WSCD2: variants seen among roughly 807,000 people sequenced by gnomAD.
The protein encoded by WSCD2 is sialate:O-sulfotransferase 2.
In WSCD2, 28 loss-of-function variants were observed where a neutral mutation model predicts 55.7. The observed-to-expected ratio is 0.50, with a 90% CI of 0.37 to 0.69. The LOEUF (loss-of-function observed/expected upper bound fraction) is 0.69, where lower values mean the gene tolerates loss of function less well. Among genes scored for constraint, WSCD2 ranks in the 30% least tolerant of loss-of-function variants. The pLI, the probability that WSCD2 is intolerant of heterozygous loss-of-function variation, is 0.00. For synonymous variants in WSCD2, 301 were observed against 301.9 expected (o/e 1.00, Z 0.03); for missense variants, 616 against 762.1 (o/e 0.81, Z 2.26).
intron 6 of WSCD2, among the ~76,000 whole-genome samples, chr12:108,227,748 A>G (rs1212408915): frequency 6.6e-6 from 1 of 151,530 alleles, no homozygotes; most frequent in African/African-American, 2.4e-5. Flanking sequence ...GATGATGATG[A>G]TGATGGTGAT....
At chr12:108,131,467 C>T (rs1329072720) in intron 1 of WSCD2, among the ~76,000 whole-genome samples, 1 of 152,220 alleles carries the variant, frequency 6.6e-6, no homozygotes, top group Non-Finnish European at 1.5e-5. Context: ...CACGCTTCGG[C>T]TCCTCCACTG....
chr12:108,212,376 G>A (rs2137111815), intron 4 of WSCD2, among the ~76,000 whole-genome samples: 1 of 152,262 alleles, frequency 6.6e-6, no homozygotes, highest in South Asian at 2.1e-4. Flanking sequence ...ATGAAGCTGA[G>A]ACAGATAACA....
chr12:108,155,552 C>T (rs767154552), intron 1 of WSCD2, among the ~76,000 whole-genome samples: 4 of 152,038 alleles, frequency 2.6e-5, no homozygotes, highest in Admixed American at 1.3e-4. Context: ...ACTGGAAGAC[C>T]CCAGGAGACT....
intron 1 of WSCD2, among the ~76,000 whole-genome samples, chr12:108,163,426 C>G (rs142404336): frequency 3.4e-4 from 52 of 152,256 alleles, no homozygotes; most frequent in African/African-American, 1.3e-3. Context: ...ATTCTTCTTT[C>G]TAAGTGTGGT....
intron 6 of WSCD2, among the ~76,000 whole-genome samples, chr12:108,231,527 A>T (rs999457587): frequency 3.3e-5 from 5 of 152,238 alleles, no homozygotes; most frequent in Non-Finnish European, 5.9e-5. Flanking sequence ...TTTACAGATG[A>T]GGAAACTGAG....
intron 1 of WSCD2, among the ~76,000 whole-genome samples, chr12:108,154,978 G>A (rs912773352): frequency 6.6e-6 from 1 of 152,126 alleles, no homozygotes; most frequent in African/African-American, 2.4e-5. Flanking sequence ...GAGACATGGC[G>A]AATATGCCCC....
intron 8 of WSCD2, among the ~76,000 whole-genome samples, chr12:108,242,156 G>A (rs1029913925): frequency 6.6e-6 from 1 of 152,210 alleles, no homozygotes; most frequent in Non-Finnish European, 1.5e-5. Flanking sequence ...GCAGGATGAC[G>A]TAACTCAGCA....
chr12:108,193,614 T>TGGATAGATGGATGGATGGAC (rs1267674153), intron 1 of WSCD2, among the ~76,000 whole-genome samples: 1 of 150,628 alleles, frequency 6.6e-6, no homozygotes, highest in Non-Finnish European at 1.5e-5. Context: ...GATGGATGGA[T>TGGATAGATGGATGGATGGAC]GGATAGATGG....
intron 1 of WSCD2, among the ~76,000 whole-genome samples, chr12:108,153,294 C>A (rs1229952382): frequency 6.6e-6 from 1 of 152,146 alleles, no homozygotes; most frequent in Non-Finnish European, 1.5e-5. Flanking sequence ...GAATTCAAGT[C>A]AAGAAAATAA....
intron 8 of WSCD2, among the ~76,000 whole-genome samples, chr12:108,243,713 C>G (rs1034600839): frequency 6.6e-6 from 1 of 152,188 alleles, no homozygotes; most frequent in African/African-American, 2.4e-5. Context: ...GGATCAGAAT[C>G]TGCACTTTAA....
At chr12:108,166,592 G>C (rs202121945) in intron 1 of WSCD2, among the ~76,000 whole-genome samples, 3 of 152,114 alleles carry the variant, frequency 2.0e-5, no homozygotes, top group East Asian at 3.9e-4. Flanking sequence ...GAGTAAGCAG[G>C]ATCTCTCCCA....
At chr12:108,149,656 CATG>C (rs1472450570) in intron 1 of WSCD2, among the ~76,000 whole-genome samples, 1 of 152,172 alleles carries the variant, frequency 6.6e-6, no homozygotes, top group African/African-American at 2.4e-5. Flanking sequence ...ATGGTGTGAC[CATG>C]ATGTGTCCCC....
intron 1 of WSCD2, among the ~76,000 whole-genome samples, chr12:108,187,980 T>C (rs1192753784): frequency 6.6e-6 from 1 of 152,198 alleles, no homozygotes; most frequent in Non-Finnish European, 1.5e-5. Context: ...CAAGAGGCAC[T>C]AGAGTCATTA....
intron 1 of WSCD2, among the ~76,000 whole-genome samples, chr12:108,132,536 A>G (rs962787264): frequency 6.6e-6 from 1 of 152,168 alleles, no homozygotes; most frequent in Non-Finnish European, 1.5e-5. Flanking sequence ...GTGCGTGTGC[A>G]TGCCTGCAAG....
intron 7 of WSCD2, among the ~76,000 whole-genome samples, chr12:108,235,818 G>A (rs959324467): frequency 4.6e-5 from 7 of 152,030 alleles, no homozygotes; most frequent in Admixed American, 2.0e-4. Context: ...AATCCTTCCC[G>A]CAGCCTGAGC....
At chr12:108,218,298 G>C (rs562215856) in intron 4 of WSCD2, among the ~76,000 whole-genome samples, 17 of 152,256 alleles carry the variant, frequency 1.1e-4, no homozygotes, top group African/African-American at 3.8e-4. Flanking sequence ...GAGTTCCAGA[G>C]AGGAGAAACA....
At chr12:108,130,517 T>A in intron 1 of WSCD2, among the ~76,000 whole-genome samples, 1 of 126,664 alleles carries the variant, frequency 7.9e-6, no homozygotes, top group East Asian at 2.0e-4. Context: ...TGTGTGTGTG[T>A]GTGTAAAGAG....
At chr12:108,160,045 G>A (rs1474982377) in intron 1 of WSCD2, among the ~76,000 whole-genome samples, 1 of 152,184 alleles carries the variant, frequency 6.6e-6, no homozygotes, top group Non-Finnish European at 1.5e-5. Context: ...ATTCGTTACA[G>A]CTTCATAGTT....
chr12:108,247,533 A>G lies in WSCD2; in HGVS notation c.1346-458A>G, dbSNP rs147958590. Among the ~76,000 whole-genome samples, 450 of 152,226 alleles carry G rather than the reference A, an allele frequency of 3.0e-3. 1 individual carries two copies. Among genetic ancestry groups the G allele is most frequent in the African/African-American group, 9.7e-3 (404 of 41,548 alleles). Reference sequence around the variant, plus strand: ...ATCGGGGTGTGTTTAGAGCTCTAAAAGGAGTGAATTGAGCTAAGTTGTTAT... The same window carrying G: ...ATCGGGGTGTGTTTAGAGCTCTAAAGGGAGTGAATTGAGCTAAGTTGTTAT... On this transcript the variant is annotated intron_variant, in intron 8 of 8. Transcript: ENST00000547525.
Sources: gnomAD v4.1 joint callset for allele counts (sites outside exome capture counted in the v4.1 genomes callset) on GRCh38, gnomAD v4.1.1 for gene constraint, MANE v1.5 for transcripts, NCBI Gene and HGNC (gene_info 2026-07-23, HGNC 2026-07-21) for gene names.